Variants in ARHGEF1 observed in about 807,000 individuals in gnomAD.
ARHGEF1 encodes the protein 115 kDa guanine nucleotide exchange factor.
ARHGEF1 carries 40 observed loss-of-function variants against 119.7 expected under a neutral mutation model. The observed-to-expected ratio is 0.33, with a 90% CI of 0.26 to 0.44. The LOEUF (loss-of-function observed/expected upper bound fraction) is 0.44. ARHGEF1 is among the 20% of genes least tolerant of loss of function. The pLI, the probability that ARHGEF1 is intolerant of heterozygous loss-of-function variation, is 1.00. For missense variants in ARHGEF1, 976 were observed against 1,268.3 expected (o/e 0.77, Z 3.50); for synonymous variants, 494 against 521.0 (o/e 0.95, Z 0.71).
chr19:41,902,390 A>G lies in ARHGEF1; in HGVS notation c.1497+34A>G. On this transcript the variant is annotated intron_variant, in intron 16 of 28. Coordinates refer to ENST00000354532, the MANE Select transcript of ARHGEF1 (RefSeq NM_004706.4). This position sits in a 1 kb window ranked among gnomAD's most constrained non-coding sequence, Gnocchi z 6.5. ...CCCAGCCCTCCCGCTCCTCCCAGCT[A>G]GACACATGGAATTCAGGCCCGGGAC... is the stretch of plus-strand genomic sequence containing the variant. The G allele has an allele frequency of 6.2e-7, 1 of 1,613,374 alleles. No individual in the cohort carries two copies.
intron 11 of ARHGEF1, 121 bp downstream of exon 11, chr19:41,894,782 G>A: frequency 8.1e-7 from 1 of 1,238,092 alleles, no homozygotes; most frequent in Non-Finnish European, 1.2e-6. Flanking sequence ...GAGGGAGGAG[G>A]GGATGGGGGC....
At position 41,904,506 on chromosome 19, in the gene ARHGEF1, A is replaced by G; in HGVS notation, c.2161+123A>G. On this transcript the variant is annotated intron_variant, in intron 22 of 28. Coordinates refer to ENST00000354532, the MANE Select transcript of ARHGEF1 (RefSeq NM_004706.4). This position sits in a 1 kb window ranked among gnomAD's most constrained non-coding sequence, Gnocchi z 8.4. The stretch of plus-strand genomic sequence containing the variant: ...CCAGCATTCTAGCAAAGAGGTTGAG[A>G]AGTAGGTGGAGGTGGGCAGGGCGGG... 1 of 1,238,082 alleles carries G rather than the reference A, an allele frequency of 8.1e-7. No individual in the cohort carries two copies. Among genetic ancestry groups the G allele is most frequent in the Non-Finnish European group, 1.1e-6 (1 of 916,498 alleles). 76.7% of individuals were successfully genotyped at this position (1,238,082 alleles called of 1,614,324 possible).
Position 41,906,852 on chromosome 19 carries a change from C to G in ARHGEF1, c.*17+49C>G, listed in dbSNP as rs550502551. 1.4e-6 allele frequency: 2 copies of G among 1,438,988 alleles called. No homozygotes were observed. Among genetic ancestry groups the G allele is most frequent in the South Asian group, 1.3e-5 (1 of 76,394 alleles). 89.1% of individuals were successfully genotyped at this position (1,438,988 alleles called of 1,614,324 possible). On this transcript the variant is annotated intron_variant, in intron 28 of 28. Transcript: ENST00000354532. The surrounding 1 kb of genome is among the most constrained non-coding windows in gnomAD (Gnocchi z 4.5). ...GGGCGCTGTCCTGAAAGGAGGGTCCCCCTCCAGAGCTCGCATCCCTACAGC... is the reference window on the plus strand; with the variant it reads ...GGGCGCTGTCCTGAAAGGAGGGTCCGCCTCCAGAGCTCGCATCCCTACAGC...
Position 41,902,500 on chromosome 19 carries a change from TGA to T in ARHGEF1, c.1498-30_1498-29del. 1.2e-6 allele frequency: 2 copies of T among 1,613,662 alleles called. No homozygotes were observed. Among genetic ancestry groups the T allele is most frequent in the Non-Finnish European group, 1.7e-6 (2 of 1,179,974 alleles). On this transcript the variant is annotated intron_variant, in intron 16 of 28. Transcript: ENST00000354532. The surrounding 1 kb of genome is among the most constrained non-coding windows in gnomAD (Gnocchi z 6.5). The stretch of plus-strand genomic sequence containing the variant: ...AGTCCCTGTTCTTGCCCATCCCCAC[TGA>T]GACACCTGCCTGGCCTGAATCTCGC...
Position 41,898,432 on chromosome 19 carries a change from C to A in ARHGEF1, c.1122-10C>A, listed in dbSNP as rs372669489. ...CCAAGCTGGGGCCCTAACAAGGCCT[C>A]TGTCCACAGCCCCGAGCCTGGAGAT... On this transcript the variant is annotated splice_polypyrimidine_tract_variant and intron_variant, in intron 13 of 28. Transcript: ENST00000354532. 139 of 1,547,766 alleles carry A rather than the reference C, an allele frequency of 9.0e-5. 1 individual carries two copies. Among genetic ancestry groups the A allele is most frequent in the Non-Finnish European group, 1.2e-4 (134 of 1,145,698 alleles).
At chr19:41,896,528 G>C (rs146744506) in intron 13 of ARHGEF1, 46 bp downstream of exon 13, 4 of 1,451,238 alleles carry the variant, frequency 2.8e-6, no homozygotes, top group Non-Finnish European at 3.8e-6. Context: ...CTTACTGGGC[G>C]CTGGTGGGTG....
chr19:41,926,460 T>A (rs2074870906), intron 1 of ARHGEF1, among the ~76,000 whole-genome samples: 2 of 152,234 alleles, frequency 1.3e-5, no homozygotes, highest in South Asian at 4.1e-4. Flanking sequence ...GAAAGGTTAG[T>A]TACCTGAGGC....
At position 41,902,251 on chromosome 19, in the gene ARHGEF1, T is replaced by A. The variant is rs1555849157; in HGVS notation, c.1415-23T>A. 6.2e-7 allele frequency: 1 copy of A among 1,613,546 alleles called. No individual in the cohort carries two copies. ...GCATCTTCCAGACCCTGGTGGAGCATCCCTTTCCTCCTGCCCCCACAGCCC... is the reference window on the plus strand; with the variant it reads ...GCATCTTCCAGACCCTGGTGGAGCAACCCTTTCCTCCTGCCCCCACAGCCC... On this transcript the variant is annotated intron_variant, in intron 15 of 28. Coordinates refer to ENST00000354532, the MANE Select transcript of ARHGEF1 (RefSeq NM_004706.4). This position sits in a 1 kb window ranked among gnomAD's most constrained non-coding sequence, Gnocchi z 6.5.
In ARHGEF1 at chr19:41,902,173, A is replaced by G. The variant is rs574061871; in HGVS notation, c.1415-101A>G. On this transcript the variant is annotated intron_variant, in intron 15 of 28. Coordinates refer to ENST00000354532, the MANE Select transcript of ARHGEF1 (RefSeq NM_004706.4). The surrounding 1 kb of genome is among the most constrained non-coding windows in gnomAD (Gnocchi z 6.5). Reference sequence around the variant, plus strand: ...TACGCCATCCGGTCCCGAGGATCAGACACAGACACACCTGCAGCCCTACCC... The same window carrying G: ...TACGCCATCCGGTCCCGAGGATCAGGCACAGACACACCTGCAGCCCTACCC... 1 of 1,562,616 alleles carries G rather than the reference A, an allele frequency of 6.4e-7. No homozygotes were observed. Among genetic ancestry groups the G allele is most frequent in the African/African-American group, 1.3e-5 (1 of 74,124 alleles).
At chr19:41,895,277 G>A in intron 11 of ARHGEF1, 72 bp from the exon 12 acceptor site, 1 of 1,531,514 alleles carries the variant, frequency 6.5e-7, no homozygotes, top group Non-Finnish European at 8.8e-7. Flanking sequence ...ACAGCCTCTT[G>A]CATCCCCTGG....
In ARHGEF1 at chr19:41,892,801, G is replaced by A. The variant is rs782437421; in HGVS notation, c.566G>A (p.Arg189Gln). The change falls in exon 7 of 29, where the codon CGG (arginine) becomes CAG (glutamine). Residue 189 changes from arginine (R) to glutamine (Q), a missense_variant. Arg to Gln is a conservative substitution (Grantham distance 43, BLOSUM62 1). Coordinates refer to ENST00000354532, the MANE Select transcript of ARHGEF1 (RefSeq NM_004706.4). The surrounding 1 kb of genome is among the most constrained non-coding windows in gnomAD (Gnocchi z 6.3). The stretch of plus-strand genomic sequence containing the variant: ...CGGGACCGAGCCAGCTACGAGGCCC[G>A]GGAGCGGCACGTGGCGGAGCGGCTG... ...VGRDRASYEA[R>Q]ERHVAERLLM... The A allele has an allele frequency of 3.8e-6, 6 of 1,594,122 alleles. No homozygotes were observed. Among genetic ancestry groups the A allele is most frequent in the Non-Finnish European group, 5.1e-6 (6 of 1,173,328 alleles).
rs1184550841 is a variant in ARHGEF1, at chr19:41,903,412, G to A, written c.1839+5G>A. On this transcript the variant is annotated splice_donor_5th_base_variant and intron_variant, in intron 19 of 28. Coordinates refer to ENST00000354532, the MANE Select transcript of ARHGEF1 (RefSeq NM_004706.4). The surrounding 1 kb of genome is among the most constrained non-coding windows in gnomAD (Gnocchi z 4.2). ...CGTGACATGGAGGACCTGCTGGTGA[G>A]CCTGGGCTGGCCCCACACCCGGGAC... 1.2e-6 allele frequency: 2 copies of A among 1,613,454 alleles called. No individual in the cohort carries two copies. Among genetic ancestry groups the A allele is most frequent in the Non-Finnish European group, 1.7e-6 (2 of 1,179,808 alleles).
intron 13 of ARHGEF1, chr19:41,897,957 G>C: frequency 7.6e-7 from 1 of 1,313,402 alleles, no homozygotes; most frequent in Non-Finnish European, 9.7e-7. Flanking sequence ...CTATCAGGGC[G>C]TCTGGGGCGC....
chr19:41,907,172 G>T lies in ARHGEF1; in HGVS notation c.*85G>T. 1 of 1,529,530 alleles carries T rather than the reference G, an allele frequency of 6.5e-7. No individual in the cohort carries two copies. Among genetic ancestry groups the T allele is most frequent in the East Asian group, 2.5e-5 (1 of 40,716 alleles). The allele number at this position is 1,529,530 out of a possible 1,614,324, so 94.7% of individuals were successfully genotyped here. A position where few individuals can be genotyped will look rare whatever the true frequency, so the allele number is the denominator to read the frequency against. On this transcript the variant is annotated 3_prime_UTR_variant, in exon 29 of 29. Coordinates refer to ENST00000354532, the MANE Select transcript of ARHGEF1 (RefSeq NM_004706.4). ...GACCACCCCCACCCACACAGCTGCC[G>T]CAGCATCTCACACCCCGAGGGCCTG...
chr19:41,889,914 A>G lies in ARHGEF1; in HGVS notation c.225+1049A>G, dbSNP rs909209083. 1 of 152,116 alleles carries G rather than the reference A, an allele frequency of 6.6e-6. No individual in the cohort carries two copies. Among genetic ancestry groups the G allele is most frequent in the Admixed American group, 6.5e-5 (1 of 15,272 alleles). 9.4% of individuals were successfully genotyped at this position (152,116 alleles called of 1,614,324 possible). On this transcript the variant is annotated intron_variant, in intron 4 of 28. Transcript: ENST00000354532. The surrounding 1 kb of genome is among the most constrained non-coding windows in gnomAD (Gnocchi z 4.0). ...AGCCTTGGGGTTTCTAGAACACCAG[A>G]TTGTGGACATCAGCCCAGGGATCGT...
At chr19:41,913,496 C>T (rs1555851455) in intron 18 of ARHGEF1, among the ~76,000 whole-genome samples, 2 of 151,822 alleles carry the variant, frequency 1.3e-5, no homozygotes, top group African/African-American at 4.8e-5. Flanking sequence ...GACCCGCAGC[C>T]GCCCAGGACG....
intron 18 of ARHGEF1, among the ~76,000 whole-genome samples, chr19:41,915,220 C>CACGTTATAA (rs1555851860): frequency 6.7e-6 from 1 of 148,156 alleles, no homozygotes; most frequent in East Asian, 2.0e-4. Context: ...CTCCTCCGGA[C>CACGTTATAA]ACGTTATAAC....
At chr19:41,887,976 C>T (rs1438793506) in intron 1 of ARHGEF1, 88 bp from the exon 2 acceptor site, 2 of 1,440,572 alleles carry the variant, frequency 1.4e-6, no homozygotes, top group Non-Finnish European at 1.9e-6. Flanking sequence ...TGTTTACTCA[C>T]CTTCACACCT....
chr19:41,895,495 T>G lies in ARHGEF1; in HGVS notation c.1015+9T>G. The stretch of plus-strand genomic sequence containing the variant: ...CCCAGACCGGGAACCAGGTGAGAGT[T>G]TCCTGGGCCAGGGCTCCATGAGGCC... On this transcript the variant is annotated intron_variant, in intron 12 of 28. Transcript: ENST00000354532. 1.3e-6 allele frequency: 2 copies of G among 1,587,334 alleles called. No homozygotes were observed. Among genetic ancestry groups the G allele is most frequent in the Non-Finnish European group, 1.7e-6 (2 of 1,163,378 alleles).
Sources: allele counts gnomAD v4.1 joint callset (sites outside exome capture counted in the v4.1 genomes callset), GRCh38; gene constraint gnomAD v4.1.1; non-coding constraint Gnocchi (gnomAD v3.1); transcripts MANE v1.5; gene names NCBI Gene and HGNC (gene_info 2026-07-23, HGNC 2026-07-21).